NPC1: variants seen among roughly 807,000 people sequenced by gnomAD.
The protein encoded by NPC1 is Niemann-Pick C1 protein.
In NPC1, 85 loss-of-function variants were observed where a neutral mutation model predicts 140.4. The observed-to-expected ratio is 0.61, with a 90% CI of 0.51 to 0.72. The LOEUF is 0.72. Ranked by LOEUF, NPC1 falls within the 30% of genes least tolerant of loss-of-function variation. NPC1 has a pLI of 0.00. For missense variants in NPC1, 1,504 were observed against 1,623.8 expected (o/e 0.93, Z 1.27); for synonymous variants, 656 against 624.8 (o/e 1.05, Z -0.74).
intron 4 of NPC1, among the ~76,000 whole-genome samples, chr18:23,567,652 G>A (rs1228001353): frequency 1.3e-5 from 2 of 152,162 alleles, no homozygotes; most frequent in African/African-American, 4.8e-5. Context: ...TCTTATATGG[G>A]TCTCCAGGTT....
intron 3 of NPC1, among the ~76,000 whole-genome samples, chr18:23,571,795 C>T (rs1444785389): frequency 1.3e-5 from 2 of 151,982 alleles, no homozygotes; most frequent in Non-Finnish European, 2.9e-5. Context: ...GCTGTGATCA[C>T]ACCACAAACC....
chr18:23,546,248 CAAAAAAAAAA>C (rs60021403), intron 11 of NPC1, among the ~76,000 whole-genome samples: 4 of 45,548 alleles, frequency 8.8e-5, no homozygotes, highest in South Asian at 1.5e-3. Flanking sequence ...GACTCTGTCT[CAAAAAAAAAA>C]AAAAAAAAAA....
chr18:23,575,272 G>C (rs1381595187), intron 1 of NPC1, among the ~76,000 whole-genome samples: 3 of 152,198 alleles, frequency 2.0e-5, no homozygotes, highest in Non-Finnish European at 2.9e-5. Context: ...CTGCTGTTTA[G>C]GTTCCTTTTC....
chr18:23,582,636 C>T (rs71360527), intron 1 of NPC1, among the ~76,000 whole-genome samples: 1 of 151,716 alleles, frequency 6.6e-6, no homozygotes, highest in Non-Finnish European at 1.5e-5. Flanking sequence ...AACCCCTTCT[C>T]TACTAAAAAT....
intron 13 of NPC1, 147 bp downstream of exon 13, chr18:23,544,197 C>T (rs1378970679): frequency 6.5e-6 from 5 of 768,016 alleles, no homozygotes; most frequent in African/African-American, 1.7e-5. Flanking sequence ...AAGATGTCCA[C>T]AGCAAGTCAA....
chr18:23,510,217 G>C (rs1229092817), intron 3 of NPC1, among the ~76,000 whole-genome samples: 1 of 151,676 alleles, frequency 6.6e-6, no homozygotes, highest in African/African-American at 2.4e-5. Context: ...CCAGCTACTT[G>C]GGAGGCTGAA....
chr18:23,556,454 C>A lies in NPC1; in HGVS notation c.1115G>T (p.Arg372Leu), dbSNP rs150053420. The change falls in exon 8 of 25, where the codon CGG (arginine) becomes CTG (leucine). Residue 372 changes from arginine to leucine, a missense_variant. By Grantham distance (102) the Arg-to-Leu change is moderately radical. Transcript: ENST00000269228. ...TACSSGLVFV[R>L]VTTNPVDLWS... Reference sequence around the variant, plus strand: ...GAGGTCAACTGGATTGGTTGTGACCCGGACAAACACCAGGCCTGACGAACA... The same window carrying A: ...GAGGTCAACTGGATTGGTTGTGACCAGGACAAACACCAGGCCTGACGAACA... The A allele has an allele frequency of 1.2e-6, 2 of 1,614,102 alleles. No homozygotes were observed. The highest frequency in any genetic ancestry group is 2.2e-5 in the South Asian group (2 of 91,074).
chr18:23,581,642 T>C (rs1024303147), intron 1 of NPC1, among the ~76,000 whole-genome samples: 8 of 152,148 alleles, frequency 5.3e-5, no homozygotes, highest in African/African-American at 1.9e-4. Flanking sequence ...TAATCTAGTA[T>C]ATAGCACCCT....
In NPC1 at chr18:23,546,904, C is replaced by T. The variant is rs1338183553; in HGVS notation, c.1757+1102G>A. On this transcript the variant is annotated intron_variant, in intron 11 of 24. Transcript: ENST00000269228. ...TTATTGTGGAGTAATGAAAATGTTCCTAAAATTGACTGTGGTGATGGCTGC... is the reference window on the plus strand; with the variant it reads ...TTATTGTGGAGTAATGAAAATGTTCTTAAAATTGACTGTGGTGATGGCTGC... Among the ~76,000 whole-genome samples the T allele has an allele frequency of 5.3e-5, 8 of 152,256 alleles. No individual in the cohort carries two copies. The South Asian group carries it at 1.5e-3, about 28-fold the overall frequency.
downstream of NPC1, chr18:23,527,692 A>G (rs2058347032): frequency 4.4e-6 from 4 of 914,010 alleles, no homozygotes; most frequent in South Asian, 2.7e-5. Flanking sequence ...GTACTTTTGC[A>G]TTGGTAACCT....
intron 11 of NPC1, among the ~76,000 whole-genome samples, chr18:23,547,007 G>A (rs547695520): frequency 1.3e-5 from 2 of 151,376 alleles, no homozygotes; most frequent in East Asian, 3.9e-4. Flanking sequence ...CTTTTTTTTA[G>A]AGACATGCAA....
In NPC1 at chr18:23,556,998, C is replaced by T. The variant is rs888243953; in HGVS notation, c.955+119G>A. On this transcript the variant is annotated intron_variant, in intron 7 of 24. Coordinates refer to ENST00000269228, the MANE Select transcript of NPC1 (RefSeq NM_000271.5). ...AGGACCATGTCTGCCTTGGTCGCAGCCGTGTCCTCGGCACTGGCACACCAC... is the reference window on the plus strand; with the variant it reads ...AGGACCATGTCTGCCTTGGTCGCAGTCGTGTCCTCGGCACTGGCACACCAC... 3.5e-6 allele frequency: 3 copies of T among 855,852 alleles called. No homozygotes were observed. The African/African-American group carries it at 5.0e-5, about 14-fold the overall frequency. The allele number at this position is 855,852 out of a possible 1,614,324, so 53.0% of individuals were successfully genotyped here.
At chr18:23,555,770 G>A (rs1157143729) in intron 8 of NPC1, among the ~76,000 whole-genome samples, 1 of 151,918 alleles carries the variant, frequency 6.6e-6, no homozygotes, top group African/African-American at 2.4e-5. Flanking sequence ...CAGGCAGTGA[G>A]TGATAAGTTC....
At chr18:23,511,236 A>C (rs753328813) in intron 3 of NPC1, among the ~76,000 whole-genome samples, 1 of 152,244 alleles carries the variant, frequency 6.6e-6, no homozygotes, top group Non-Finnish European at 1.5e-5. Context: ...ACAGAAAACC[A>C]AATACCACAT....
chr18:23,567,627 T>C (rs2059144738), intron 4 of NPC1, among the ~76,000 whole-genome samples: 1 of 152,220 alleles, frequency 6.6e-6, no homozygotes, highest in African/African-American at 2.4e-5. Flanking sequence ...ATCACAATAG[T>C]GTTACAGTGG....
downstream of NPC1, among the ~76,000 whole-genome samples, chr18:23,525,727 A>G (rs1213470669): frequency 3.2e-4 from 48 of 149,230 alleles, no homozygotes; most frequent in Non-Finnish European, 6.0e-5. Context: ...CCGGCCTATA[A>G]TTTTTTTTTT....
intron 3 of NPC1, among the ~76,000 whole-genome samples, chr18:23,510,610 G>C (rs1437050737): frequency 6.6e-6 from 1 of 151,980 alleles, no homozygotes; most frequent in African/African-American, 2.4e-5. Flanking sequence ...TGGTGCCACT[G>C]CACTCCAGCC....
At chr18:23,552,476 T>TA (rs1465742116) in intron 9 of NPC1, among the ~76,000 whole-genome samples, 4 of 152,168 alleles carry the variant, frequency 2.6e-5, no homozygotes, top group Non-Finnish European at 1.5e-5. Flanking sequence ...GGGGAACAAT[T>TA]AGAGATTTCC....
chr18:23,516,783 T>G (rs951538322), intron 3 of NPC1, among the ~76,000 whole-genome samples: 4 of 151,536 alleles, frequency 2.6e-5, no homozygotes, highest in Non-Finnish European at 5.9e-5. Flanking sequence ...TGGAGTGCAG[T>G]GGTGCAGTGT....
Sources: allele counts gnomAD v4.1 joint callset (sites outside exome capture counted in the v4.1 genomes callset), GRCh38; gene constraint gnomAD v4.1.1; transcripts MANE v1.5; gene names NCBI Gene and HGNC (gene_info 2026-07-23, HGNC 2026-07-21).